Variants in ANXA5 observed in about 807,000 individuals in gnomAD.
ANXA5 encodes annexin A5.
A neutral mutation model predicts 48.1 loss-of-function variants in ANXA5; 40 were observed. The observed-to-expected ratio is 0.83, with a 90% CI of 0.65 to 1.08. ANXA5 has a LOEUF of 1.08. Among genes scored for constraint, ANXA5 ranks in the 50% least tolerant of loss-of-function variants. ANXA5 has a pLI of 0.00. For synonymous variants in ANXA5, 113 were observed against 129.1 expected (o/e 0.88, Z 0.85); for missense variants, 357 against 376.8 (o/e 0.95, Z 0.44).
At chr4:121,673,467 C>T (rs1724645040) in intron 8 of ANXA5, among the ~76,000 whole-genome samples, 1 of 152,162 alleles carries the variant, frequency 6.6e-6, no homozygotes, top group Non-Finnish European at 1.5e-5. Flanking sequence ...GAGGCTGCTA[C>T]TTGCAGTTGG....
intron 2 of ANXA5, among the ~76,000 whole-genome samples, chr4:121,692,233 C>A (rs1352226806): frequency 6.6e-6 from 1 of 152,088 alleles, no homozygotes; most frequent in Non-Finnish European, 1.5e-5. Context: ...TTGTTTGCAT[C>A]GTGGTAGAAA....
rs1475053328 is a variant in ANXA5 at position 121,671,660 on chromosome 4, G to A, written c.626-18C>T. 3 of 1,526,472 alleles carry A rather than the reference G, an allele frequency of 2.0e-6. No individual in the cohort carries two copies. The highest frequency in any genetic ancestry group is 2.7e-6 in the Non-Finnish European group (3 of 1,101,630). The allele number at this position is 1,526,472 out of a possible 1,614,324, so 94.6% of individuals were successfully genotyped here. On this transcript the variant is annotated intron_variant, in intron 9 of 12. Transcript: ENST00000296511. ...GTCAAACACTAGAAAAAATAAAAATGATTCCCTAATCATGTAGGGATCACT... is the reference window on the plus strand; with the variant it reads ...GTCAAACACTAGAAAAAATAAAAATAATTCCCTAATCATGTAGGGATCACT...
Position 121,683,376 on chromosome 4 carries a change from T to A in ANXA5, c.291A>T (p.Lys97Asn). The A allele has an allele frequency of 6.3e-7, 1 of 1,596,444 alleles. No homozygotes were observed. The highest frequency in any genetic ancestry group is 8.6e-7 in the Non-Finnish European group (1 of 1,169,000). Residue 97 changes from lysine (K) to asparagine (N), a missense_variant, in exon 5 of 13, where the codon AAA becomes AAT. Physicochemically the swap from Lys to Asn is moderately conservative, Grantham distance 94 (BLOSUM62 0). Transcript: ENST00000296511. Reference protein sequence around the residue: ...PSRLYDAYELKHALKGAGTNE... With the variant: ...PSRLYDAYELNHALKGAGTNE... ...TCATCCTTTTTACCTTCAAGGCATG[T>A]TTCAGTTCATAAGCATCATAAAGCC... is the stretch of plus-strand genomic sequence containing the variant.
At chr4:121,694,655 T>C (rs1725048384) in intron 2 of ANXA5, among the ~76,000 whole-genome samples, 1 of 152,232 alleles carries the variant, frequency 6.6e-6, no homozygotes, top group African/African-American at 2.4e-5. Flanking sequence ...AGTGCTAGGA[T>C]TACAGGCATG....
rs765327632 is a variant in ANXA5 at position 121,677,901 on chromosome 4, T to A, written c.524A>T (p.Asp175Val). The A allele has an allele frequency of 6.2e-7, 1 of 1,613,556 alleles. No individual in the cohort carries two copies. The highest frequency in any genetic ancestry group is 8.5e-7 in the Non-Finnish European group (1 of 1,179,522). ...AGIDEAQVEQ[D>V]AQALFQAGEL... is the part of the protein sequence containing the mutation. ...TATCCTGGTGTCACTCACCTGAGCA[T>A]CTTGTTCAACTTGAGCTTCATCAAT... Residue 175 changes from aspartate to valine, a missense_variant, in exon 8 of 13, where the codon GAT (aspartate) becomes GTT (valine). Asp to Val is a radical substitution (Grantham distance 152). Transcript: ENST00000296511.
chr4:121,671,944 T>C (rs1724620368), intron 9 of ANXA5, among the ~76,000 whole-genome samples: 2 of 152,212 alleles, frequency 1.3e-5, no homozygotes, highest in African/African-American at 4.8e-5. Flanking sequence ...AGGACTAGTT[T>C]ACCCTTTTCT....
intron 4 of ANXA5, among the ~76,000 whole-genome samples, chr4:121,684,012 GA>G (rs547572213): frequency 1.6e-4 from 23 of 145,772 alleles, no homozygotes; most frequent in South Asian, 6.5e-4. Flanking sequence ...ATGTAATTGT[GA>G]AAAAAAAAAC....
At chr4:121,682,198 C>A (rs528835526) in intron 5 of ANXA5, among the ~76,000 whole-genome samples, 1 of 152,058 alleles carries the variant, frequency 6.6e-6, no homozygotes, top group African/African-American at 2.4e-5. Flanking sequence ...AAAGATAAAC[C>A]CCTGACCCCC....
rs558383203 is a variant in ANXA5, at chr4:121,685,416, T to C, written c.95-645A>G. ...TGGAGAAGGTGACACCCACAAGTAT[T>C]GAAGGATGGAAGGATTGTGAAAGGC... is the stretch of plus-strand genomic sequence containing the variant. On this transcript the variant is annotated intron_variant, in intron 3 of 12. Coordinates refer to ENST00000296511, the MANE Select transcript of ANXA5 (RefSeq NM_001154.4). Among the ~76,000 whole-genome samples the C allele has an allele frequency of 1.1e-3, 161 of 152,134 alleles. 1 individual carries two copies. Among genetic ancestry groups the C allele is most frequent in the African/African-American group, 3.5e-3 (145 of 41,492 alleles).
In ANXA5 at chr4:121,671,636, T is replaced by C. The variant is rs1228117230; in HGVS notation, c.632A>G (p.Asp211Gly). The change falls in exon 10 of 13, where the codon GAC becomes GGC. Residue 211 changes from aspartate to glycine, a missense_variant. Coordinates refer to ENST00000296511, the MANE Select transcript of ANXA5 (RefSeq NM_001154.4). ...RSVSHLRKVF[D>G]KYMTISGFQI... is the part of the protein sequence containing the mutation. ...AAATCCTGATATAGTCATGTACTTG[T>C]CAAACACTAGAAAAAATAAAAATGA... is the stretch of plus-strand genomic sequence containing the variant. 2 of 1,607,518 alleles carry C rather than the reference T, an allele frequency of 1.2e-6. No individual in the cohort carries two copies. Among genetic ancestry groups the C allele is most frequent in the Non-Finnish European group, 1.7e-6 (2 of 1,174,524 alleles).
chr4:121,694,213 T>C (rs10006927), intron 2 of ANXA5, among the ~76,000 whole-genome samples: 79,946 of 148,352 alleles, frequency 0.54, 22,654 homozygotes, highest in African/African-American at 0.7. Flanking sequence ...CAAACCTGCA[T>C]GTTGTGCACA....
intron 2 of ANXA5, among the ~76,000 whole-genome samples, chr4:121,689,678 C>T (rs1724948742): frequency 6.6e-6 from 1 of 152,072 alleles, no homozygotes; most frequent in Non-Finnish European, 1.5e-5. Flanking sequence ...GGGAAGGGCA[C>T]AAAAGCCATG....
At chr4:121,692,256 T>C (rs13111903) in intron 2 of ANXA5, among the ~76,000 whole-genome samples, 5,194 of 152,342 alleles carry the variant, frequency 0.034, 136 homozygotes, top group Non-Finnish European at 0.047. Context: ...AAGGTTTTGA[T>C]AACAAAGTGA....
In ANXA5 at chr4:121,673,036, T is replaced by C. The variant is rs915164093; in HGVS notation, c.532-410A>G. 2.0e-5 allele frequency among the ~76,000 whole-genome samples: 3 copies of C among 152,228 alleles called. No homozygotes were observed. In the East Asian group the frequency reaches 5.8e-4, roughly 29 times the overall value. On this transcript the variant is annotated intron_variant, in intron 8 of 12. Coordinates refer to ENST00000296511, the MANE Select transcript of ANXA5 (RefSeq NM_001154.4). ...TTGTCTGCCTTTTCTGTTTTGCTTG[T>C]TCTATAGCTGTTCAATAGCACATGA...
Position 121,669,987 on chromosome 4 carries a change from G to A in ANXA5, c.747C>T (p.Ala249=), listed in dbSNP as rs1724586456. 1.9e-6 allele frequency: 3 copies of A among 1,604,160 alleles called. No individual in the cohort carries two copies. In the East Asian group the frequency reaches 6.7e-5, roughly 36 times the overall value. The part of the protein sequence containing the change: ...AVVKSIRSIP[A]YLAETLYYAM... Reference sequence around the variant, plus strand: ...CATAATAGAGGGTCTCTGCAAGGTAGGCAGGTATACTTCGAATAGATTTCA... The same window carrying A: ...CATAATAGAGGGTCTCTGCAAGGTAAGCAGGTATACTTCGAATAGATTTCA... The change falls in exon 11 of 13, where the codon GCC becomes GCT. Residue 249 remains alanine (A), a synonymous_variant. Transcript: ENST00000296511.
chr4:121,696,193 G>GA (rs1293832952), intron 2 of ANXA5, among the ~76,000 whole-genome samples: 5 of 144,544 alleles, frequency 3.5e-5, no homozygotes, highest in African/African-American at 1.0e-4. Flanking sequence ...GGTGGGGGGG[G>GA]AATGCGTTCG....
At chr4:121,678,611 A>G in intron 6 of ANXA5, 117 bp from the exon 7 acceptor site, 1 of 852,454 alleles carries the variant, frequency 1.2e-6, no homozygotes, top group South Asian at 1.7e-5. Flanking sequence ...TGGTTAACAT[A>G]AATTCCCTCT....
chr4:121,689,106 A>G (rs777595368), intron 2 of ANXA5, among the ~76,000 whole-genome samples: 2 of 152,220 alleles, frequency 1.3e-5, no homozygotes, highest in Non-Finnish European at 2.9e-5. Flanking sequence ...TATAGTTTAG[A>G]AGAGAAATTG....
At chr4:121,690,123 GCA>G (rs1303121137) in intron 2 of ANXA5, among the ~76,000 whole-genome samples, 1 of 152,204 alleles carries the variant, frequency 6.6e-6, no homozygotes, top group Non-Finnish European at 1.5e-5. Flanking sequence ...CAGGCACCGT[GCA>G]CAGAGCTTCA....
Sources: gnomAD v4.1 joint callset for allele counts (sites outside exome capture counted in the v4.1 genomes callset) on GRCh38, gnomAD v4.1.1 for gene constraint, MANE v1.5 for transcripts, NCBI Gene and HGNC (gene_info 2026-07-23, HGNC 2026-07-21) for gene names.